AKAP9: variants seen among roughly 807,000 people sequenced by gnomAD.
AKAP9 encodes A-kinase anchor protein 9.
AKAP9 carries 311 observed loss-of-function variants against 488.5 expected under a neutral mutation model. The observed-to-expected ratio is 0.64, with a 90% CI of 0.58 to 0.70. AKAP9 has a LOEUF of 0.70. AKAP9 is among the 30% of genes least tolerant of loss of function. The pLI, the probability that AKAP9 is intolerant of heterozygous loss-of-function variation, is 0.00. For synonymous variants in AKAP9, 1,462 were observed against 1,483.5 expected, an observed-to-expected ratio of 0.99 and a Z score of 0.33; for missense variants, 4,215 against 4,374.5, an observed-to-expected ratio of 0.96 and a Z score of 1.03.
rs1584399967 is a variant in AKAP9, at chr7:92,066,635, T to C, written c.6330+89T>C. 11 of 1,491,614 alleles carry C rather than the reference T, an allele frequency of 7.4e-6. No homozygotes were observed. In the South Asian group the frequency reaches 1.1e-4, roughly 16 times the overall value. The allele number at this position is 1,491,614 out of a possible 1,614,324, so 92.4% of individuals were successfully genotyped here. On this transcript the variant is annotated intron_variant, in intron 26 of 49. Transcript: ENST00000356239. ...TATCATTAAAAACTTAAAAGTGGAT[T>C]CTTTCCTTTGTATGTAAATCTTCAA...
In AKAP9 at chr7:92,084,655, G is replaced by T; in HGVS notation, c.8662G>T (p.Glu2888Ter). 1 of 1,609,838 alleles carries T rather than the reference G, an allele frequency of 6.2e-7. No homozygotes were observed. The highest frequency in any genetic ancestry group is 8.5e-7 in the Non-Finnish European group (1 of 1,176,680). The change falls in exon 34 of 50, where the codon GAG becomes TAG. Residue 2888 changes from glutamate (E) to a stop codon, truncating the protein, a stop_gained. Transcript: ENST00000356239. LOFTEE classifies it high-confidence loss of function. Reference sequence around the variant, plus strand: ...CTCTAATTAGGGATCCTCAATTCCTGAGCTAGCACATTCTGATGCTTACCA... The same window carrying T: ...CTCTAATTAGGGATCCTCAATTCCTTAGCTAGCACATTCTGATGCTTACCA... ...LRSKEGSSIPELAHSDAYQTR... is the reference protein window; with the variant it reads ...LRSKEGSSIP
intron 14 of AKAP9, among the ~76,000 whole-genome samples, chr7:92,026,191 G>A (rs1803078473): frequency 6.6e-6 from 1 of 152,206 alleles, no homozygotes; most frequent in South Asian, 2.1e-4. Flanking sequence ...AGGGGTTGCA[G>A]ATAGTAGGAG....
At chr7:92,024,054 A>G (rs1244553019) in intron 14 of AKAP9, among the ~76,000 whole-genome samples, 3 of 151,844 alleles carry the variant, frequency 2.0e-5, no homozygotes, top group Non-Finnish European at 2.9e-5. Context: ...TTTTTTCTAT[A>G]TTACTTAATA....
intron 1 of AKAP9, among the ~76,000 whole-genome samples, chr7:91,969,437 G>A (rs1420040651): frequency 6.6e-6 from 1 of 152,150 alleles, no homozygotes; most frequent in Admixed American, 6.5e-5. Context: ...TTGGCGTAGT[G>A]TATAGTTTAA....
chr7:92,032,816 T>A (rs556688407), intron 16 of AKAP9, among the ~76,000 whole-genome samples: 1 of 152,326 alleles, frequency 6.6e-6, no homozygotes, highest in African/African-American at 2.4e-5. Context: ...AAATTTTCTC[T>A]TGCATGTAGC....
In AKAP9 at chr7:92,079,287, A is replaced by G; in HGVS notation, c.7154A>G (p.Lys2385Arg). 1 of 1,614,122 alleles carries G rather than the reference A, an allele frequency of 6.2e-7. No individual in the cohort carries two copies. The highest frequency in any genetic ancestry group is 8.5e-7 in the Non-Finnish European group (1 of 1,179,998). ...CTCTCAGAAGAAGCAGACAGTTTAA[A>G]ACATCAATTGGATGTGGTTATAGCT... is the stretch of plus-strand genomic sequence containing the variant. ...HSLSEEADSL[K>R]HQLDVVIAEK... Residue 2385 changes from lysine to arginine, a missense_variant, in exon 31 of 50, where the codon AAA (lysine) becomes AGA (arginine). This residue lies in a region of AKAP9 where 1,476 missense variants were observed against 1,477.4 expected (regional missense o/e 1.00). Coordinates refer to ENST00000356239, the MANE Select transcript of AKAP9 (RefSeq NM_005751.5).
At chr7:91,990,126 A>G (rs1797579009) in intron 3 of AKAP9, among the ~76,000 whole-genome samples, 1 of 152,114 alleles carries the variant, frequency 6.6e-6, no homozygotes, top group South Asian at 2.1e-4. Flanking sequence ...TGTAGGTTAA[A>G]TAACTTCAAC....
intron 1 of AKAP9, among the ~76,000 whole-genome samples, chr7:91,944,640 A>T (rs1791203797): frequency 6.6e-6 from 1 of 151,716 alleles, no homozygotes; most frequent in African/African-American, 2.4e-5. Context: ...GCCTGCCTCG[A>T]CCTCCCAAAG....
At chr7:91,947,167 T>C (rs2130449115) in intron 1 of AKAP9, among the ~76,000 whole-genome samples, 2 of 97,104 alleles carry the variant, frequency 2.1e-5, no homozygotes, top group African/African-American at 3.4e-5. Context: ...GGTGTGTGTG[T>C]GTGTGTGCGT....
At position 92,083,068 on chromosome 7, in the gene AKAP9, C is replaced by T. The variant is rs781346594; in HGVS notation, c.8161-102C>T. 5.8e-4 allele frequency: 791 copies of T among 1,360,992 alleles called. 1 individual carries two copies. The highest frequency in any genetic ancestry group is 7.2e-4 in the Non-Finnish European group (711 of 988,748). The allele number at this position is 1,360,992 out of a possible 1,614,324, so 84.3% of individuals were successfully genotyped here. On this transcript the variant is annotated intron_variant, in intron 32 of 49. Coordinates refer to ENST00000356239, the MANE Select transcript of AKAP9 (RefSeq NM_005751.5). ...TTCCTACTACTCTGAGGAAAATGAA[C>T]GTATAATCATGAATTACATTCCTCC...
intron 30 of AKAP9, among the ~76,000 whole-genome samples, 178 bp downstream of exon 30, chr7:92,078,053 A>G (rs1038061961): frequency 5.3e-5 from 8 of 151,976 alleles, no homozygotes; most frequent in African/African-American, 1.2e-4. Flanking sequence ...CTGGAGTCCA[A>G]TGGTGCAACC....
intron 3 of AKAP9, among the ~76,000 whole-genome samples, chr7:91,983,916 G>A (rs545676645): frequency 2.0e-5 from 3 of 152,250 alleles, no homozygotes; most frequent in East Asian, 3.9e-4. Flanking sequence ...TCATGTGTCT[G>A]TTGGCTGCAT....
rs1208747649 is a variant in AKAP9 at position 92,108,442 on chromosome 7, A to G, written c.11547-52A>G. ...GGGAGTGGAGGCAGGTTGGTAACTT[A>G]TATGCATATTTCTGGATAACTTGAT... On this transcript the variant is annotated intron_variant, in intron 48 of 49. Transcript: ENST00000356239. 11 of 1,597,064 alleles carry G rather than the reference A, an allele frequency of 6.9e-6. No individual in the cohort carries two copies. In the African/African-American group the frequency reaches 1.1e-4, roughly 16 times the overall value.
At chr7:91,944,751 G>T (rs935331465) in intron 1 of AKAP9, among the ~76,000 whole-genome samples, 120 of 152,304 alleles carry the variant, frequency 7.9e-4, no homozygotes, top group African/African-American at 2.8e-3. Flanking sequence ...ACATGTTATA[G>T]TGTATGACCA....
At chr7:92,033,311 G>A (rs1249434842) in intron 16 of AKAP9, among the ~76,000 whole-genome samples, 1 of 152,096 alleles carries the variant, frequency 6.6e-6, no homozygotes, top group Non-Finnish European at 1.5e-5. Flanking sequence ...TATGTTTGAT[G>A]GCCCAGCTTG....
intron 49 of AKAP9, 69 bp from the exon 50 acceptor site, chr7:92,110,053 C>T (rs973374954): frequency 4.3e-6 from 5 of 1,168,218 alleles, no homozygotes; most frequent in Non-Finnish European, 5.1e-6. Context: ...TTTGTGTGAA[C>T]TCTGGTGGGT....
intron 40 of AKAP9, among the ~76,000 whole-genome samples, chr7:92,096,427 C>T (rs868033526): frequency 6.6e-6 from 1 of 151,646 alleles, no homozygotes; most frequent in Non-Finnish European, 1.5e-5. Flanking sequence ...CTCCACCTCC[C>T]GGGTTCAAGC....
At chr7:92,034,215 A>G (rs13231820) in intron 16 of AKAP9, among the ~76,000 whole-genome samples, 51,505 of 151,908 alleles carry the variant, frequency 0.34, 9,214 homozygotes, top group Middle Eastern at 0.39. Flanking sequence ...AAATTACTCT[A>G]ACAGGTGTCT....
intron 17 of AKAP9, among the ~76,000 whole-genome samples, chr7:92,040,178 T>G (rs886832086): frequency 2.0e-5 from 3 of 152,232 alleles, no homozygotes; most frequent in African/African-American, 7.2e-5. Context: ...AGCTTTTATC[T>G]TCAAATAAAA....
Sources: gnomAD v4.1 joint callset for allele counts (sites outside exome capture counted in the v4.1 genomes callset) on GRCh38, gnomAD v4.1.1 for gene constraint, gnomAD v4.1.1 regional missense constraint, MANE v1.5 for transcripts, NCBI Gene and HGNC (gene_info 2026-07-23, HGNC 2026-07-21) for gene names.